Variants in CTPS2 observed in about 807,000 individuals in gnomAD.
CTPS2 encodes the protein CTP synthase II.
In CTPS2, 19 loss-of-function variants were observed where a neutral mutation model predicts 46.8. That is an observed-to-expected ratio of 0.41 (90% CI 0.28 to 0.60). The LOEUF (loss-of-function observed/expected upper bound fraction) is 0.60, where lower values mean the gene tolerates loss of function less well. CTPS2 is among the 20% of genes least tolerant of loss of function. The pLI, the probability that CTPS2 is intolerant of heterozygous loss-of-function variation, is 0.35. For synonymous variants in CTPS2, 151 were observed against 165.2 expected (o/e 0.91, Z 0.66); for missense variants, 286 against 447.6 (o/e 0.64, Z 3.26).
chrX:16,622,409 CAA>C (rs112857824), intron 14 of CTPS2, among the ~76,000 whole-genome samples: 9 of 81,351 alleles, frequency 1.1e-4, no homozygotes, highest in Non-Finnish European at 1.2e-4. Flanking sequence ...GATGCTGTCT[CAA>C]AAAAAAAAAA....
intron 13 of CTPS2, among the ~76,000 whole-genome samples, chrX:16,641,056 A>G (rs1462730498): frequency 1.8e-5 from 2 of 111,825 alleles, no homozygotes; most frequent in Non-Finnish European, 3.8e-5. Flanking sequence ...TTAGCTAATT[A>G]TGGCTAGGTT....
At chrX:16,645,005 C>T (rs376678417) in intron 13 of CTPS2, among the ~76,000 whole-genome samples, 10 of 111,835 alleles carry the variant, frequency 8.9e-5, no homozygotes, top group East Asian at 8.4e-4. Context: ...TTTTTTGAGA[C>T]GGAGTCTTGC....
chrX:16,621,848 G>A (rs995549586), intron 14 of CTPS2, among the ~76,000 whole-genome samples: 6 of 111,652 alleles, frequency 5.4e-5, no homozygotes, highest in East Asian at 2.8e-4. Context: ...AACTTTGTAC[G>A]ATCAATGATC....
In CTPS2 at chrX:16,708,387, C is replaced by T. The variant is rs751335393; in HGVS notation, c.-40+3948G>A. ...CACAGTTGATCACATTCAATGCCATCGCACATCTTCACTAGTCACCAGGGC... is the reference window on the plus strand; with the variant it reads ...CACAGTTGATCACATTCAATGCCATTGCACATCTTCACTAGTCACCAGGGC... On this transcript the variant is annotated intron_variant, in intron 1 of 18. Coordinates refer to ENST00000359276, the MANE Select transcript of CTPS2 (RefSeq NM_175859.3). Among the ~76,000 whole-genome samples the T allele has an allele frequency of 4.2e-4, 47 of 111,108 alleles. No individual in the cohort carries two copies. In the South Asian group the frequency reaches 0.01, roughly 24 times the overall value.
chrX:16,699,069 C>A lies in CTPS2; in HGVS notation c.191G>T (p.Gly64Val). The A allele has an allele frequency of 8.6e-7, 1 of 1,166,182 alleles. No individual in the cohort carries two copies. The highest frequency in any genetic ancestry group is 1.8e-5 in the African/African-American group (1 of 55,669). ...EHGEVFVLND[G>V]GEVDLDLGNY... ...TCCAAGGTCTAAATCAACTTCTCCA[C>A]CATCATTTAAGACGAAGACTTCACC... Residue 64 changes from glycine (G) to valine (V), a missense_variant, in exon 3 of 19, where the codon GGT becomes GTT. Physicochemically the swap from Gly to Val is moderately radical, Grantham distance 109 (BLOSUM62 -3). Transcript: ENST00000359276.
At chrX:16,707,152 TCTG>T (rs1316904708) in intron 1 of CTPS2, among the ~76,000 whole-genome samples, 1 of 112,197 alleles carries the variant, frequency 8.9e-6, no homozygotes, top group African/African-American at 3.2e-5. Context: ...ATTTGACTTT[TCTG>T]CTGCTTTCTG....
Position 16,693,506 on chromosome X carries a change from C to A in CTPS2, c.439-19G>T, listed in dbSNP as rs1431583241. The A allele has an allele frequency of 8.8e-6, 9 of 1,020,524 alleles. No individual in the cohort carries two copies. In the Admixed American group the frequency reaches 1.4e-4, roughly 16 times the overall value. The allele number at this position is 1,020,524 out of a possible 1,213,427, so 84.1% of individuals were successfully genotyped here. A position where few individuals can be genotyped will look rare whatever the true frequency, so the allele number is the denominator to read the frequency against. ...CTCCCAGCTGGGAATGGAAAACAAA[C>A]AAAAAAAGACACAAATGACCACACA... On this transcript the variant is annotated intron_variant, in intron 4 of 18. Transcript: ENST00000359276.
At chrX:16,676,797 C>T (rs1462723965) in intron 10 of CTPS2, among the ~76,000 whole-genome samples, 1 of 111,517 alleles carries the variant, frequency 9.0e-6, no homozygotes. Context: ...CGTGGTGGCT[C>T]ACACCTGTAA....
At chrX:16,652,020 G>T (rs902610752) in intron 13 of CTPS2, among the ~76,000 whole-genome samples, 1 of 108,155 alleles carries the variant, frequency 9.2e-6, no homozygotes, top group Non-Finnish European at 1.9e-5. Flanking sequence ...GAGCAGGATG[G>T]GGGGGGCCAG....
At chrX:16,594,440 G>A (rs755162711) in intron 17 of CTPS2, among the ~76,000 whole-genome samples, 1 of 111,820 alleles carries the variant, frequency 8.9e-6, no homozygotes, top group East Asian at 2.8e-4. Flanking sequence ...AAAAGAAACT[G>A]TATAAACTTG....
chrX:16,689,220 G>A (rs191732051), intron 8 of CTPS2, among the ~76,000 whole-genome samples: 2 of 112,234 alleles, frequency 1.8e-5, no homozygotes, highest in African/African-American at 6.5e-5. Flanking sequence ...TCCAGAATTC[G>A]AATTCCTTTA....
chrX:16,647,062 A>T (rs1209959074), intron 13 of CTPS2, among the ~76,000 whole-genome samples: 1 of 110,853 alleles, frequency 9.0e-6, no homozygotes, highest in African/African-American at 3.3e-5. Flanking sequence ...TGGATTTTTC[A>T]TGCTTCCAAG....
intron 13 of CTPS2, among the ~76,000 whole-genome samples, chrX:16,643,646 CT>C (rs1328068389): frequency 3.6e-5 from 4 of 112,043 alleles, no homozygotes; most frequent in South Asian, 3.7e-4. Context: ...ATCAGCATTA[CT>C]TTCCCTAATG....
In CTPS2 at chrX:16,673,076, C is replaced by T. The variant is rs770380623; in HGVS notation, c.1095-2402G>A. 2.1e-3 allele frequency among the ~76,000 whole-genome samples: 222 copies of T among 105,909 alleles called. 1 individual carries two copies. Among genetic ancestry groups the T allele is most frequent in the African/African-American group, 5.7e-3 (163 of 28,798 alleles). The allele number at this position is 105,909 out of a possible 115,157, so 92.0% of individuals were successfully genotyped here. The stretch of plus-strand genomic sequence containing the variant: ...TAATTTTTTGTATTTTTAGTAGAGA[C>T]GGGGTTTCACCGTTTTAGCCGGGAT... On this transcript the variant is annotated intron_variant, in intron 10 of 18. Transcript: ENST00000359276.
intron 18 of CTPS2, 145 bp downstream of exon 18, chrX:16,590,607 G>T: frequency 2.6e-6 from 1 of 378,334 alleles, no homozygotes; most frequent in South Asian, 5.6e-5. Flanking sequence ...GGGCTGTCAT[G>T]CGTGTCCTGC....
At chrX:16,668,624 AGGAAGGAAGAAGGGAAGAAGGAAGGAT>A (rs1166115839) in intron 11 of CTPS2, among the ~76,000 whole-genome samples, 1 of 96,845 alleles carries the variant, frequency 1.0e-5, no homozygotes, top group Non-Finnish European at 2.0e-5. Flanking sequence ...GAAGGAGGGA[AGGAAGGAAGAAGGGAAGAAGGAAGGAT>A]GGAAGGAAGG....
chrX:16,663,517 C>A (rs1933035967), intron 13 of CTPS2, among the ~76,000 whole-genome samples: 1 of 111,264 alleles, frequency 9.0e-6, no homozygotes, highest in African/African-American at 3.3e-5. Flanking sequence ...CACAAAAACA[C>A]ACACACAAAT....
intron 14 of CTPS2, among the ~76,000 whole-genome samples, chrX:16,626,048 T>C (rs764045420): frequency 2.7e-5 from 3 of 110,845 alleles, no homozygotes; most frequent in East Asian, 5.6e-4. Flanking sequence ...TATTTCCCGG[T>C]CTCCTGTCCA....
At chrX:16,681,102 C>T (rs988374806) in intron 9 of CTPS2, among the ~76,000 whole-genome samples, 1 of 111,596 alleles carries the variant, frequency 9.0e-6, no homozygotes, top group African/African-American at 3.2e-5. Flanking sequence ...AGGAGAATCA[C>T]TTGAACCCAG....
Sources: allele counts gnomAD v4.1 joint callset (sites outside exome capture counted in the v4.1 genomes callset), GRCh38; gene constraint gnomAD v4.1.1; transcripts MANE v1.5; gene names NCBI Gene and HGNC (gene_info 2026-07-23, HGNC 2026-07-21).